Variants in INO80B observed in about 807,000 individuals in gnomAD.
INO80B encodes IES2 homolog.
A neutral mutation model predicts 31.4 loss-of-function variants in INO80B; 18 were observed. The ratio of observed to expected loss-of-function variants is 0.57; its 90% CI spans 0.40 to 0.85. INO80B has a LOEUF of 0.85. Among genes scored for constraint, INO80B ranks in the 40% least tolerant of loss-of-function variants. The pLI is 0.00. For missense variants in INO80B, 469 were observed against 475.4 expected, an observed-to-expected ratio of 0.99 and a Z score of 0.13; for synonymous variants, 238 against 199.0, an observed-to-expected ratio of 1.20 and a Z score of -1.65.
At position 74,455,473 on chromosome 2, in the gene INO80B, GCACAAGAAGAAA is replaced by G. The variant is rs769795488; in HGVS notation, c.142_153del (p.Lys48_His51del). 24 of 1,614,086 alleles carry G rather than the reference GCACAAGAAGAAA, an allele frequency of 1.5e-5. No homozygotes were observed. Among genetic ancestry groups the G allele is most frequent in the Admixed American group, 3.3e-5 (2 of 60,024 alleles). ...GAGTGCACAAGAAAAAACACAAGAA[GCACAAGAAGAAA>G]CACAAGAAGAAACACCATCAGGAAG... On this transcript the variant is annotated inframe_deletion, in exon 2 of 5. Transcript: ENST00000233331.
Position 74,457,720 on chromosome 2 carries a change from C to T in INO80B, c.927C>T (p.Cys309=), listed in dbSNP as rs757887337. Residue 309 remains cysteine (C), a synonymous_variant, in exon 5 of 5, where the codon TGC becomes TGT. Coordinates refer to ENST00000233331, the MANE Select transcript of INO80B (RefSeq NM_031288.4). ...RPSPSGPPPR[C]SVPGCPHPRR... The stretch of plus-strand genomic sequence containing the variant: ...CCCCCTCAGGCCCGCCGCCGCGCTG[C>T]TCTGTCCCCGGCTGTCCCCATCCGC... The T allele has an allele frequency of 1.2e-5, 20 of 1,600,420 alleles. No homozygotes were observed. The highest frequency in any genetic ancestry group is 6.7e-5 in the African/African-American group (5 of 74,970).
At position 74,457,879 on chromosome 2, in the gene INO80B, ACT is replaced by A; in HGVS notation, c.*18_*19del. 1.3e-6 allele frequency: 2 copies of A among 1,509,678 alleles called. No individual in the cohort carries two copies. Among genetic ancestry groups the A allele is most frequent in the Non-Finnish European group, 1.8e-6 (2 of 1,135,898 alleles). The allele number at this position is 1,509,678 out of a possible 1,614,324, so 93.5% of individuals were successfully genotyped here. The stretch of plus-strand genomic sequence containing the variant: ...TGGCTACGTAAGGCCCTTAACCCGG[ACT>A]CTGCGCCCCGTCCCATGCCCGCTCT... On this transcript the variant is annotated 3_prime_UTR_variant, in exon 5 of 5. Transcript: ENST00000233331.
In INO80B at chr2:74,457,917, C is replaced by T; in HGVS notation, c.*53C>T. 2.1e-6 allele frequency: 3 copies of T among 1,449,428 alleles called. No individual in the cohort carries two copies. Among genetic ancestry groups the T allele is most frequent in the Non-Finnish European group, 2.7e-6 (3 of 1,092,872 alleles). The allele number at this position is 1,449,428 out of a possible 1,614,324, so 89.8% of individuals were successfully genotyped here. A position where few individuals can be genotyped will look rare whatever the true frequency, so the allele number is the denominator to read the frequency against. On this transcript the variant is annotated 3_prime_UTR_variant, in exon 5 of 5. Transcript: ENST00000233331. ...TCCCATGCCCGCTCTTGAGTATCTTCCCCACCCTATTAAATTACATCCGGT... is the reference window on the plus strand; with the variant it reads ...TCCCATGCCCGCTCTTGAGTATCTTTCCCACCCTATTAAATTACATCCGGT...
rs1160707185 is a variant in INO80B, at chr2:74,457,489, A to G, written c.696A>G (p.Glu232=). The G allele has an allele frequency of 6.4e-7, 1 of 1,550,800 alleles. No homozygotes were observed. The highest frequency in any genetic ancestry group is 8.7e-7 in the Non-Finnish European group (1 of 1,148,048). Residue 232 remains glutamate (E), a synonymous_variant, in exon 5 of 5, where the codon GAA becomes GAG. Transcript: ENST00000233331. ...KRRLQAARRA[E]EHKNQTIERL... is the part of the protein sequence containing the mutation. ...GGCTCCAGGCGGCGCGGCGGGCAGAAGAGCACAAGAACCAGACTATCGAGC... is the reference window on the plus strand; with the variant it reads ...GGCTCCAGGCGGCGCGGCGGGCAGAGGAGCACAAGAACCAGACTATCGAGC...
In INO80B at chr2:74,457,463, C is replaced by A. The variant is rs776991179; in HGVS notation, c.670C>A (p.Arg224=). 6.4e-7 allele frequency: 1 copy of A among 1,560,076 alleles called. No homozygotes were observed. Among genetic ancestry groups the A allele is most frequent in the Admixed American group, 1.9e-5 (1 of 52,394 alleles). ...LKREERARKR[R]LQAARRAEEH... ...GCGCGAGGAGCGGGCGCGGAAGCGG[C>A]GGCTCCAGGCGGCGCGGCGGGCAGA... The change falls in exon 5 of 5, where the codon CGG becomes AGG. Residue 224 remains arginine (R), a synonymous_variant. Coordinates refer to ENST00000233331, the MANE Select transcript of INO80B (RefSeq NM_031288.4).
At position 74,455,396 on chromosome 2, in the gene INO80B, C is replaced by A; in HGVS notation, c.59-10C>A. 1 of 1,614,118 alleles carries A rather than the reference C, an allele frequency of 6.2e-7. No homozygotes were observed. The highest frequency in any genetic ancestry group is 8.5e-7 in the Non-Finnish European group (1 of 1,179,998). ...CGGCCAAACACTGTCGACAGGCTTT[C>A]CTTCCACAGGAGAAGCCCTGGAGTT... On this transcript the variant is annotated splice_polypyrimidine_tract_variant and intron_variant, in intron 1 of 4. Coordinates refer to ENST00000233331, the MANE Select transcript of INO80B (RefSeq NM_031288.4).
At position 74,457,570 on chromosome 2, in the gene INO80B, C is replaced by A. The variant is rs1373582351; in HGVS notation, c.777C>A (p.Gly259=). 2 of 1,514,470 alleles carry A rather than the reference C, an allele frequency of 1.3e-6. No individual in the cohort carries two copies. The highest frequency in any genetic ancestry group is 2.1e-5 in the Admixed American group (1 of 46,798). The allele number at this position is 1,514,470 out of a possible 1,614,324, so 93.8% of individuals were successfully genotyped here. ...SGRGGRGGAR[G]ERRGGRAAAP... ...GGGGAGGCCGGGGGGGCGCACGGGG[C>A]GAGCGGCGGGGAGGGCGGGCTGCGG... The change falls in exon 5 of 5, where the codon GGC becomes GGA. Residue 259 remains glycine (G), a synonymous_variant. Coordinates refer to ENST00000233331, the MANE Select transcript of INO80B (RefSeq NM_031288.4).
At chr2:74,457,267 TC>T (rs2103962378) in intron 4 of INO80B, 66 bp from the exon 5 acceptor site, 1 of 1,512,120 alleles carries the variant, frequency 6.6e-7, no homozygotes, top group African/African-American at 1.4e-5. Context: ...CCTCCCCCGA[TC>T]TGGCCGACCT....
Position 74,455,439 on chromosome 2 carries a change from A to G in INO80B, c.92A>G (p.His31Arg), listed in dbSNP as rs759382243. 2.5e-6 allele frequency: 4 copies of G among 1,614,068 alleles called. No individual in the cohort carries two copies. The highest frequency in any genetic ancestry group is 2.7e-5 in the African/African-American group (2 of 75,044). The change falls in exon 2 of 5, where the codon CAT (histidine) becomes CGT (arginine). Residue 31 changes from histidine (H) to arginine (R), a missense_variant. His to Arg is a conservative substitution (Grantham distance 29). Around this residue, in one of 3 missense-constraint regions of INO80B, gnomAD observed 223 missense variants for 253.4 expected, o/e 0.88. Coordinates refer to ENST00000233331, the MANE Select transcript of INO80B (RefSeq NM_031288.4). ...EALELSLAGAHGHGVHKKKHK... is the reference protein window; with the variant it reads ...EALELSLAGARGHGVHKKKHK... ...CTGGAGTTGAGCCTGGCGGGTGCCC[A>G]TGGCCATGGAGTGCACAAGAAAAAA...
chr2:74,455,476 C>T lies in INO80B; in HGVS notation c.129C>T (p.His43=). 10 of 1,614,026 alleles carry T rather than the reference C, an allele frequency of 6.2e-6. No homozygotes were observed. Among genetic ancestry groups the T allele is most frequent in the Non-Finnish European group, 8.5e-6 (10 of 1,179,978 alleles). Residue 43 remains histidine (H), a synonymous_variant, in exon 2 of 5, where the codon CAC becomes CAT. Transcript: ENST00000233331. ...HGVHKKKHKK[H]KKKHKKKHHQ... ...TGCACAAGAAAAAACACAAGAAGCA[C>T]AAGAAGAAACACAAGAAGAAACACC...
Position 74,455,151 on chromosome 2 carries a change from G to C in INO80B, c.35G>C (p.Gly12Ala), listed in dbSNP as rs1671659671. The change falls in exon 1 of 5, where the codon GGG (glycine) becomes GCG (alanine). Residue 12 changes from glycine to alanine, a missense_variant. Coordinates refer to ENST00000233331, the MANE Select transcript of INO80B (RefSeq NM_031288.4). The stretch of plus-strand genomic sequence containing the variant: ...CTGTGGCGGCGTGGGAGCACCTCTG[G>C]GGCTATGGAGGCCCCTGAGCCGGGT... ...SKLWRRGSTS[G>A]AMEAPEPGEA... 2 of 1,614,102 alleles carry C rather than the reference G, an allele frequency of 1.2e-6. No individual in the cohort carries two copies. The highest frequency in any genetic ancestry group is 3.3e-5 in the Admixed American group (2 of 60,014).
chr2:74,457,265 G>A (rs1324366213), intron 4 of INO80B, 69 bp from the exon 5 acceptor site: 14 of 1,506,472 alleles, frequency 9.3e-6, no homozygotes, highest in Admixed American at 2.0e-5. Flanking sequence ...CCCCTCCCCC[G>A]ATCTGGCCGA....
Position 74,456,119 on chromosome 2 carries a change from C to A in INO80B, c.387C>A (p.Leu129=). 1 of 1,596,546 alleles carries A rather than the reference C, an allele frequency of 6.3e-7. No individual in the cohort carries two copies. Among genetic ancestry groups the A allele is most frequent in the Non-Finnish European group, 8.5e-7 (1 of 1,171,290 alleles). The stretch of plus-strand genomic sequence containing the variant: ...CCTTCCCAGATGAAGACAGTAATCT[C>A]TCTCCCTCTCCACTTCGGGACCTAT... ...YRAWLDEDSN[L]SPSPLRDLSG... is the part of the protein sequence containing the mutation. Residue 129 remains leucine, a synonymous_variant, in exon 4 of 5, where the codon CTC becomes CTA. Transcript: ENST00000233331.
Position 74,457,557 on chromosome 2 carries a change from G to A in INO80B, c.764G>A (p.Gly255Glu). Residue 255 changes from glycine to glutamate, a missense_variant, in exon 5 of 5, where the codon GGG (glycine) becomes GAG (glutamate). Gly to Glu is a moderately conservative substitution (Grantham distance 98). This residue lies in a region of INO80B where 201 missense variants were observed against 151.7 expected (regional missense o/e 1.32). Coordinates refer to ENST00000233331, the MANE Select transcript of INO80B (RefSeq NM_031288.4). The part of the protein sequence containing the change: ...TAATSGRGGR[G>E]GARGERRGGR... ...GCGACCAGTGGGCGGGGAGGCCGGG[G>A]GGGCGCACGGGGCGAGCGGCGGGGA... is the stretch of plus-strand genomic sequence containing the variant. 2.0e-6 allele frequency: 3 copies of A among 1,517,164 alleles called. No individual in the cohort carries two copies. Among genetic ancestry groups the A allele is most frequent in the Non-Finnish European group, 2.6e-6 (3 of 1,137,060 alleles). The allele number at this position is 1,517,164 out of a possible 1,614,324, so 94.0% of individuals were successfully genotyped here.
rs1317730926 is a variant in INO80B at position 74,457,585 on chromosome 2, G to T, written c.792G>T (p.Gly264=). ...RGGARGERRG[G]RAAAPAPMVR... ...GCGCACGGGGCGAGCGGCGGGGAGGGCGGGCTGCGGCTCCGGCCCCCATGG... is the reference window on the plus strand; with the variant it reads ...GCGCACGGGGCGAGCGGCGGGGAGGTCGGGCTGCGGCTCCGGCCCCCATGG... The change falls in exon 5 of 5, where the codon GGG becomes GGT. Residue 264 remains glycine, a synonymous_variant. Transcript: ENST00000233331. The T allele has an allele frequency of 2.0e-6, 3 of 1,520,122 alleles. No homozygotes were observed. In the East Asian group the frequency reaches 7.5e-5, roughly 38 times the overall value. 94.2% of individuals were successfully genotyped at this position (1,520,122 alleles called of 1,614,324 possible).
chr2:74,457,619 T>A lies in INO80B; in HGVS notation c.826T>A (p.Cys276Ser). The A allele has an allele frequency of 6.3e-7, 1 of 1,585,814 alleles. No individual in the cohort carries two copies. Among genetic ancestry groups the A allele is most frequent in the Non-Finnish European group, 8.5e-7 (1 of 1,172,156 alleles). Reference sequence around the variant, plus strand: ...GGCTCCGGCCCCCATGGTGCGCTACTGCAGCGGAGCACAGGGTTCCACCCT... The same window carrying A: ...GGCTCCGGCCCCCATGGTGCGCTACAGCAGCGGAGCACAGGGTTCCACCCT... The part of the protein sequence containing the change: ...AAAPAPMVRY[C>S]SGAQGSTLSF... The change falls in exon 5 of 5, where the codon TGC becomes AGC. Residue 276 changes from cysteine to serine, a missense_variant. Physicochemically the swap from Cys to Ser is moderately radical, Grantham distance 112 (BLOSUM62 -1). Around this residue, in one of 3 missense-constraint regions of INO80B, gnomAD observed 201 missense variants for 151.7 expected, o/e 1.32. Transcript: ENST00000233331.
In INO80B at chr2:74,457,558, G is replaced by C. The variant is rs1018692427; in HGVS notation, c.765G>C (p.Gly255=). 5.9e-5 allele frequency: 89 copies of C among 1,517,180 alleles called. No homozygotes were observed. The highest frequency in any genetic ancestry group is 7.0e-5 in the Non-Finnish European group (80 of 1,137,160). 94.0% of individuals were successfully genotyped at this position (1,517,180 alleles called of 1,614,324 possible). ...TAATSGRGGR[G]GARGERRGGR... ...CGACCAGTGGGCGGGGAGGCCGGGG[G>C]GGCGCACGGGGCGAGCGGCGGGGAG... Residue 255 remains glycine, a synonymous_variant, in exon 5 of 5, where the codon GGG becomes GGC. Transcript: ENST00000233331.
chr2:74,455,836 GA>G lies in INO80B; in HGVS notation c.271del (p.Ile91SerfsTer51). The part of the protein sequence containing the change: ...GTKSVPTFTV[I>X]PEGPRSPSPL... ...TCTGCAGTGTTCCTACCTTCACTGTGATCCCAGAGGGGCCTCGCTCACCCTC... is the reference window on the plus strand; with the variant it reads ...TCTGCAGTGTTCCTACCTTCACTGTGTCCCAGAGGGGCCTCGCTCACCCTC... On this transcript the variant is annotated frameshift_variant, in exon 3 of 5. Transcript: ENST00000233331. LOFTEE classifies it high-confidence loss of function. The G allele has an allele frequency of 6.2e-7, 1 of 1,611,092 alleles. No homozygotes were observed. Among genetic ancestry groups the G allele is most frequent in the Non-Finnish European group, 8.5e-7 (1 of 1,177,298 alleles).
At chr2:74,455,761 C>T in intron 2 of INO80B, 57 bp from the exon 3 acceptor site, 1 of 1,427,108 alleles carries the variant, frequency 7.0e-7, no homozygotes, top group Non-Finnish European at 9.9e-7. Context: ...GGTGTAGCTA[C>T]GGAGTAGGAG....
Sources: gnomAD v4.1 joint callset for allele counts on GRCh38, gnomAD v4.1.1 for gene constraint, gnomAD v4.1.1 regional missense constraint, MANE v1.5 for transcripts, NCBI Gene and HGNC (gene_info 2026-07-23, HGNC 2026-07-21) for gene names.